BTF3: variants seen among roughly 807,000 people sequenced by gnomAD.
BTF3 encodes the protein basic transcription factor 3, also known as transcription factor BTF3.
A neutral mutation model predicts 23.9 loss-of-function variants in BTF3; 12 were observed. That is an observed-to-expected ratio of 0.50 (90% CI 0.32 to 0.81). The LOEUF is 0.81. Among genes scored for constraint, BTF3 ranks in the 40% least tolerant of loss-of-function variants. The pLI is 0.03. For missense variants in BTF3, 215 were observed against 255.9 expected (o/e 0.84, Z 1.09); for synonymous variants, 96 against 94.8 (o/e 1.01, Z -0.07).
Position 73,498,575 on chromosome 5 carries a change from G to A in BTF3, c.-93G>A, listed in dbSNP as rs1746336969. 7.1e-7 allele frequency: 1 copy of A among 1,405,256 alleles called. No homozygotes were observed. Among genetic ancestry groups the A allele is most frequent in the Non-Finnish European group, 9.2e-7 (1 of 1,087,982 alleles). 87.0% of individuals were successfully genotyped at this position (1,405,256 alleles called of 1,614,324 possible). ...TCCGACAAGGTACAAAAAGGCTCTG[G>A]ACGGCGGCGTGGTAGGAGGACGGGA... is the stretch of plus-strand genomic sequence containing the variant. On this transcript the variant is annotated 5_prime_UTR_variant, in exon 1 of 6. Transcript: ENST00000380591.
chr5:73,499,863 A>G (rs1044942981), intron 2 of BTF3, among the ~76,000 whole-genome samples: 2 of 151,958 alleles, frequency 1.3e-5, no homozygotes, highest in Non-Finnish European at 2.9e-5. Flanking sequence ...TGATTTTTAG[A>G]TTGTCCTGTA....
In BTF3 at chr5:73,502,991, A is replaced by G; in HGVS notation, c.391A>G (p.Thr131Ala). The part of the protein sequence containing the change: ...PKVQASLAAN[T>A]FTITGHAETK... The stretch of plus-strand genomic sequence containing the variant: ...AGTTCAGGCATCTCTGGCAGCGAAC[A>G]CTTTCACCATTACAGGCCATGCTGA... The change falls in exon 4 of 6, where the codon ACT becomes GCT. Residue 131 changes from threonine (T) to alanine (A), a missense_variant. Transcript: ENST00000380591. 2 of 1,613,732 alleles carry G rather than the reference A, an allele frequency of 1.2e-6. No homozygotes were observed. Among genetic ancestry groups the G allele is most frequent in the Non-Finnish European group, 1.7e-6 (2 of 1,179,876 alleles).
chr5:73,505,351 C>G lies in BTF3; in HGVS notation c.*113C>G, dbSNP rs1580359817. ...TATGGATCTGATAAAATCTAGATCT[C>G]TAATATTTTTAAGCCCAAGCCCCTT... is the stretch of plus-strand genomic sequence containing the variant. On this transcript the variant is annotated 3_prime_UTR_variant, in exon 6 of 6. Coordinates refer to ENST00000380591, the MANE Select transcript of BTF3 (RefSeq NM_001037637.2). 1.4e-5 allele frequency: 13 copies of G among 950,208 alleles called. No individual in the cohort carries two copies. The East Asian group carries it at 3.2e-4, about 23-fold the overall frequency. 58.9% of individuals were successfully genotyped at this position (950,208 alleles called of 1,614,324 possible).
intron 2 of BTF3, 78 bp downstream of exon 2, chr5:73,499,280 T>G (rs750582934): frequency 3.4e-6 from 5 of 1,454,922 alleles, no homozygotes; most frequent in South Asian, 2.3e-5. Flanking sequence ...CTTTTGCGCT[T>G]CTTATATTAT....
In BTF3 at chr5:73,498,529, C is replaced by G; in HGVS notation, c.-139C>G. On this transcript the variant is annotated 5_prime_UTR_variant, in exon 1 of 6. Coordinates refer to ENST00000380591, the MANE Select transcript of BTF3 (RefSeq NM_001037637.2). ...ACCCCTTGAGCACCAACCCTAGTCCCCCGCGCGGCCCCTTATTCGCTCCGA... is the reference window on the plus strand; with the variant it reads ...ACCCCTTGAGCACCAACCCTAGTCCGCCGCGCGGCCCCTTATTCGCTCCGA... 1 of 1,296,760 alleles carries G rather than the reference C, an allele frequency of 7.7e-7. No homozygotes were observed. The highest frequency in any genetic ancestry group is 3.1e-5 in the East Asian group (1 of 32,376). 80.3% of individuals were successfully genotyped at this position (1,296,760 alleles called of 1,614,324 possible).
Position 73,498,469 on chromosome 5 carries a change from C to G in BTF3, c.-199C>G. The G allele has an allele frequency of 1.6e-6, 1 of 633,850 alleles. No individual in the cohort carries two copies. Among genetic ancestry groups the G allele is most frequent in the Non-Finnish European group, 2.4e-6 (1 of 418,392 alleles). The allele number at this position is 633,850 out of a possible 1,614,324, so 39.3% of individuals were successfully genotyped here. ...CTTTAGCTGCCATCTTGCGTCCCCGCGTGTGTGCGCCTAATCTCAGGTGGT... is the reference window on the plus strand; with the variant it reads ...CTTTAGCTGCCATCTTGCGTCCCCGGGTGTGTGCGCCTAATCTCAGGTGGT... On this transcript the variant is annotated 5_prime_UTR_variant, in exon 1 of 6. Coordinates refer to ENST00000380591, the MANE Select transcript of BTF3 (RefSeq NM_001037637.2).
At chr5:73,498,926 AGC>A (rs3057010) in intron 1 of BTF3, 127 bp downstream of exon 1, 143,033 of 1,380,952 alleles carry the variant, frequency 0.1, 17,461 homozygotes, top group East Asian at 0.53. Context: ...GCCTGCCAAG[AGC>A]GGGGAGCTGT....
At chr5:73,499,097 T>A (rs1746370349) in intron 1 of BTF3, 37 bp from the exon 2 acceptor site, 1 of 1,591,150 alleles carries the variant, frequency 6.3e-7, no homozygotes, top group East Asian at 2.2e-5. Context: ...TAGAGTGAGC[T>A]AAACCTATCC....
chr5:73,500,884 A>G lies in BTF3; in HGVS notation c.202-1604A>G, dbSNP rs192362492. ...ACCAGATACATACATGACCATTTCA[A>G]AGTGATTTTTGTACTTAATAGTTTG... On this transcript the variant is annotated intron_variant, in intron 2 of 5. Coordinates refer to ENST00000380591, the MANE Select transcript of BTF3 (RefSeq NM_001037637.2). 5.3e-4 allele frequency among the ~76,000 whole-genome samples: 80 copies of G among 152,080 alleles called. 1 individual carries two copies. The East Asian group carries it at 0.014, about 27-fold the overall frequency.
At chr5:73,499,329 C>G (rs768237035) in intron 2 of BTF3, 127 bp downstream of exon 2, 14 of 1,019,162 alleles carry the variant, frequency 1.4e-5, no homozygotes, top group Non-Finnish European at 1.9e-5. Context: ...ATTCACGGAG[C>G]TAGCAAATCT....
intron 4 of BTF3, among the ~76,000 whole-genome samples, 173 bp downstream of exon 4, chr5:73,503,290 ATGTAGCG>A (rs1381706614): frequency 6.6e-6 from 1 of 152,200 alleles, no homozygotes; most frequent in African/African-American, 2.4e-5. Context: ...GCAGTAATTG[ATGTAGCG>A]TGCCATGATT....
intron 4 of BTF3, 128 bp from the exon 5 acceptor site, chr5:73,504,219 C>A: frequency 1.6e-6 from 1 of 629,374 alleles, no homozygotes; most frequent in East Asian, 3.0e-5. Flanking sequence ...TCCCAAATGT[C>A]CCTTATCATG....
chr5:73,502,912 A>G lies in BTF3; in HGVS notation c.316-4A>G, dbSNP rs753743654. ...GCTAATTTAAATTTTTCTTTTCTTA[A>G]TAGGTGAATATGTTTACAAACCAAG... On this transcript the variant is annotated splice_region_variant and splice_polypyrimidine_tract_variant and intron_variant, in intron 3 of 5. Coordinates refer to ENST00000380591, the MANE Select transcript of BTF3 (RefSeq NM_001037637.2). 2 of 1,611,496 alleles carry G rather than the reference A, an allele frequency of 1.2e-6. No homozygotes were observed. The highest frequency in any genetic ancestry group is 8.5e-7 in the Non-Finnish European group (1 of 1,179,474).
chr5:73,501,970 C>T (rs1260214113), intron 2 of BTF3, among the ~76,000 whole-genome samples: 1 of 151,982 alleles, frequency 6.6e-6, no homozygotes, highest in South Asian at 2.1e-4. Flanking sequence ...CAGTTTGAGA[C>T]CAGCCTGGCC....
Position 73,503,031 on chromosome 5 carries a change from C to G in BTF3, c.431C>G (p.Thr144Arg). The G allele has an allele frequency of 6.2e-7, 1 of 1,614,000 alleles. No individual in the cohort carries two copies. The highest frequency in any genetic ancestry group is 8.5e-7 in the Non-Finnish European group (1 of 1,179,936). ...ITGHAETKQL[T>R]EMLPSILNQL... ...GGCCATGCTGAGACAAAGCAGCTGA[C>G]AGAAATGCTACCCAGCATCTTAAAC... The change falls in exon 4 of 6, where the codon ACA becomes AGA. Residue 144 changes from threonine (T) to arginine (R), a missense_variant. This residue lies in a region of BTF3 where 99 missense variants were observed against 171.2 expected (regional missense o/e 0.58). Coordinates refer to ENST00000380591, the MANE Select transcript of BTF3 (RefSeq NM_001037637.2).
intron 1 of BTF3, 124 bp from the exon 2 acceptor site, chr5:73,499,010 T>C (rs1018672498): frequency 3.4e-5 from 43 of 1,270,692 alleles, no homozygotes; most frequent in Non-Finnish European, 4.3e-5. Flanking sequence ...GCGGGGTGGA[T>C]TTGGGATCCA....
chr5:73,505,597 G>T lies in BTF3; in HGVS notation c.*359G>T. 6.2e-6 allele frequency: 1 copy of T among 161,046 alleles called. No individual in the cohort carries two copies. The highest frequency in any genetic ancestry group is 1.4e-5 in the Non-Finnish European group (1 of 74,020). The allele number at this position is 161,046 out of a possible 1,614,324, so 10.0% of individuals were successfully genotyped here. On this transcript the variant is annotated 3_prime_UTR_variant, in exon 6 of 6. Transcript: ENST00000380591. The stretch of plus-strand genomic sequence containing the variant: ...GCATGTAATATGGCTGATAACCTTT[G>T]GAATTTGATTAAAGATTTAAAATCA...
At chr5:73,501,015 A>C (rs1746422798) in intron 2 of BTF3, among the ~76,000 whole-genome samples, 1 of 152,072 alleles carries the variant, frequency 6.6e-6, no homozygotes, top group African/African-American at 2.4e-5. Flanking sequence ...GATCCTGAGA[A>C]TATAAAATTT....
chr5:73,499,011 T>A, intron 1 of BTF3, 123 bp from the exon 2 acceptor site: 1 of 1,278,860 alleles, frequency 7.8e-7, no homozygotes, highest in Non-Finnish European at 1.1e-6. Context: ...CGGGGTGGAT[T>A]TGGGATCCAG....
Sources: gnomAD v4.1 joint callset for allele counts (sites outside exome capture counted in the v4.1 genomes callset) on GRCh38, gnomAD v4.1.1 for gene constraint, gnomAD v4.1.1 regional missense constraint, MANE v1.5 for transcripts, NCBI Gene and HGNC (gene_info 2026-07-23, HGNC 2026-07-21) for gene names.